DBF4: variants seen among roughly 807,000 people sequenced by gnomAD.
The protein encoded by DBF4 is protein DBF4 homolog A.
Under a neutral mutation model 76.6 loss-of-function variants are expected in DBF4, and 25 were observed. The ratio of observed to expected loss-of-function variants is 0.33; its 90% CI spans 0.24 to 0.46. DBF4 has a LOEUF of 0.46. DBF4 is among the 20% of genes least tolerant of loss of function. The probability of loss-of-function intolerance (pLI) is 1.00; values close to 1 mark genes in which losing one functional copy is unlikely to be tolerated. For synonymous variants in DBF4, 213 were observed against 258.0 expected, an observed-to-expected ratio of 0.83 and a Z score of 1.67; for missense variants, 638 against 760.8, an observed-to-expected ratio of 0.84 and a Z score of 1.90.
intron 2 of DBF4, among the ~76,000 whole-genome samples, chr7:87,883,271 A>G (rs1312596897): frequency 6.6e-6 from 1 of 152,120 alleles, no homozygotes; most frequent in Non-Finnish European, 1.5e-5. Flanking sequence ...GGCTGGGAAA[A>G]ATGAGGAATG....
intron 2 of DBF4, among the ~76,000 whole-genome samples, chr7:87,881,270 T>C (rs1248804203): frequency 6.6e-6 from 1 of 152,170 alleles, no homozygotes; most frequent in African/African-American, 2.4e-5. Context: ...TAGCTGGGCA[T>C]GGTGGCGCAC....
At chr7:87,882,546 A>G (rs1057205200) in intron 2 of DBF4, among the ~76,000 whole-genome samples, 40 of 152,214 alleles carry the variant, frequency 2.6e-4, no homozygotes, top group African/African-American at 9.6e-4. Flanking sequence ...ATTGCAGGAA[A>G]TCTTTGCAAA....
At chr7:87,905,610 G>A (rs1009266578) in intron 11 of DBF4, among the ~76,000 whole-genome samples, 1 of 152,182 alleles carries the variant, frequency 6.6e-6, no homozygotes, top group Admixed American at 6.5e-5. Flanking sequence ...AACTTAAAGG[G>A]ATGGTTTCAT....
At position 87,887,414 on chromosome 7, in the gene DBF4, T is replaced by C. The variant is rs757569488; in HGVS notation, c.520+16T>C. ...CATATTGATGGTAAGGATTTTATAATTGTTTTTTGACAGTATTTGTTTTAA... is the reference window on the plus strand; with the variant it reads ...CATATTGATGGTAAGGATTTTATAACTGTTTTTTGACAGTATTTGTTTTAA... On this transcript the variant is annotated intron_variant, in intron 5 of 11. Coordinates refer to ENST00000265728, the MANE Select transcript of DBF4 (RefSeq NM_006716.4). The C allele has an allele frequency of 1.6e-5, 25 of 1,557,038 alleles. No homozygotes were observed. Among genetic ancestry groups the C allele is most frequent in the African/African-American group, 2.7e-5 (2 of 73,250 alleles).
At chr7:87,877,654 G>A (rs547026718) in intron 1 of DBF4, among the ~76,000 whole-genome samples, 7 of 152,128 alleles carry the variant, frequency 4.6e-5, no homozygotes, top group African/African-American at 1.7e-4. Flanking sequence ...GCGTAACAGA[G>A]GATTCTTTCA....
At chr7:87,879,468 T>C (rs1193015311) in intron 2 of DBF4, among the ~76,000 whole-genome samples, 1 of 152,172 alleles carries the variant, frequency 6.6e-6, no homozygotes, top group South Asian at 2.1e-4. Context: ...GCCACCCTAT[T>C]GACTATACAC....
At chr7:87,878,540 T>C in intron 2 of DBF4, 1 of 207,060 alleles carries the variant, frequency 4.8e-6, no homozygotes, top group Non-Finnish European at 9.6e-6. Context: ...TTCTTGATTA[T>C]GAATCTTGGG....
intron 5 of DBF4, 37 bp downstream of exon 5, chr7:87,887,435 T>G (rs1395562025): frequency 1.3e-6 from 2 of 1,526,616 alleles, no homozygotes; most frequent in South Asian, 1.2e-5. Flanking sequence ...CAGTATTTGT[T>G]TTAAGTGTCC....
In DBF4 at chr7:87,908,430, G is replaced by C. The variant is rs775951201; in HGVS notation, c.*267G>C. 4 of 236,268 alleles carry C rather than the reference G, an allele frequency of 1.7e-5. No homozygotes were observed. The highest frequency in any genetic ancestry group is 3.2e-5 in the Non-Finnish European group (4 of 126,710). 14.6% of individuals were successfully genotyped at this position (236,268 alleles called of 1,614,324 possible). Reference sequence around the variant, plus strand: ...ATTACAATGAATAATAATTTGCTTTGTCACTGAAAACCACCAGTGAAGTGC... The same window carrying C: ...ATTACAATGAATAATAATTTGCTTTCTCACTGAAAACCACCAGTGAAGTGC... On this transcript the variant is annotated 3_prime_UTR_variant, in exon 12 of 12. Transcript: ENST00000265728.
At chr7:87,893,401 G>A (rs1032695388) in intron 6 of DBF4, among the ~76,000 whole-genome samples, 9 of 151,356 alleles carry the variant, frequency 5.9e-5, no homozygotes, top group Admixed American at 2.0e-4. Flanking sequence ...GCCCGCCACC[G>A]CGCCCGGCTA....
In DBF4 at chr7:87,876,732, C is replaced by T. The variant is rs1054587632; in HGVS notation, c.-1C>T. 2.5e-6 allele frequency: 4 copies of T among 1,614,038 alleles called. No homozygotes were observed. The highest frequency in any genetic ancestry group is 2.7e-5 in the African/African-American group (2 of 74,924). On this transcript the variant is annotated 5_prime_UTR_variant, in exon 1 of 12. Transcript: ENST00000265728. ...CAGCATGTAGGTGCCGGGCGACTGC[C>T]ATGAACTCCGGAGCCATGAGGATCC...
At chr7:87,885,288 C>T (rs1039503250) in intron 3 of DBF4, 130 bp downstream of exon 3, 1 of 691,614 alleles carries the variant, frequency 1.4e-6, no homozygotes, top group African/African-American at 1.8e-5. Flanking sequence ...GTGTGGCTCT[C>T]TAGTCCTCAA....
intron 11 of DBF4, 97 bp from the exon 12 acceptor site, chr7:87,907,091 G>A: frequency 8.4e-7 from 1 of 1,197,184 alleles, no homozygotes; most frequent in Non-Finnish European, 1.1e-6. Flanking sequence ...GTTTCTTAAA[G>A]ATTATATAAT....
chr7:87,890,519 T>A (rs535221437), intron 6 of DBF4, among the ~76,000 whole-genome samples: 2 of 151,984 alleles, frequency 1.3e-5, no homozygotes, highest in African/African-American at 4.8e-5. Flanking sequence ...GGTGACAGAG[T>A]GAGACTCCAT....
intron 6 of DBF4, among the ~76,000 whole-genome samples, chr7:87,894,449 C>T (rs888003306): frequency 3.3e-5 from 5 of 149,986 alleles, no homozygotes; most frequent in African/African-American, 9.8e-5. Context: ...GACCCTGTCT[C>T]GGGGAAAAAA....
intron 3 of DBF4, 30 bp downstream of exon 3, chr7:87,885,188 A>G: frequency 6.4e-7 from 1 of 1,551,386 alleles, no homozygotes; most frequent in Non-Finnish European, 8.8e-7. Context: ...TTTGAGACTC[A>G]GAAGGGCTAT....
intron 6 of DBF4, among the ~76,000 whole-genome samples, chr7:87,894,761 G>A (rs1011608111): frequency 2.0e-5 from 3 of 152,156 alleles, no homozygotes; most frequent in Non-Finnish European, 4.4e-5. Context: ...GGATTCTGAC[G>A]AGAAATCTGC....
chr7:87,904,999 G>A (rs779182939), intron 11 of DBF4, among the ~76,000 whole-genome samples: 2 of 151,948 alleles, frequency 1.3e-5, no homozygotes, highest in Non-Finnish European at 2.9e-5. Flanking sequence ...CACCCAGGCC[G>A]GAGTGCAGTT....
At chr7:87,892,538 G>A (rs1222056437) in intron 6 of DBF4, among the ~76,000 whole-genome samples, 1 of 152,192 alleles carries the variant, frequency 6.6e-6, no homozygotes, top group Non-Finnish European at 1.5e-5. Flanking sequence ...TAAAGCTAAT[G>A]TAAATATCCA....
Sources: allele counts gnomAD v4.1 joint callset (sites outside exome capture counted in the v4.1 genomes callset), GRCh38; gene constraint gnomAD v4.1.1; transcripts MANE v1.5; gene names NCBI Gene and HGNC (gene_info 2026-07-23, HGNC 2026-07-21).